KCNT2: variants seen among roughly 807,000 people sequenced by gnomAD.
KCNT2 encodes potassium sodium-activated channel subfamily T member 2.
In KCNT2, 67 loss-of-function variants were observed where a neutral mutation model predicts 153.8. The ratio of observed to expected loss-of-function variants is 0.44; its 90% CI spans 0.36 to 0.53. The LOEUF (loss-of-function observed/expected upper bound fraction) is 0.53, where lower values mean the gene tolerates loss of function less well. KCNT2 is among the 20% of genes least tolerant of loss of function. KCNT2 has a pLI of 0.00. For synonymous variants in KCNT2, 500 were observed against 458.8 expected (o/e 1.09, Z -1.15); for missense variants, 975 against 1,354.8 (o/e 0.72, Z 4.40).
intron 14 of KCNT2, chr1:196,343,082 A>G (rs1558171565): frequency 6.6e-6 from 1 of 152,168 alleles, no homozygotes; most frequent in Non-Finnish European, 1.5e-5. Flanking sequence ...TGGCACCTAG[A>G]TCTTGGATTT....
At chr1:196,583,453 A>G (rs990200932) in intron 1 of KCNT2, among the ~76,000 whole-genome samples, 2 of 152,110 alleles carry the variant, frequency 1.3e-5, no homozygotes, top group African/African-American at 4.8e-5. Flanking sequence ...AGAGCTCTGC[A>G]CAGAGAAGTA....
chr1:196,425,812 C>A (rs1255696658), intron 11 of KCNT2, 40 bp downstream of exon 11: 2 of 1,604,528 alleles, frequency 1.2e-6, no homozygotes, highest in East Asian at 2.2e-5. Flanking sequence ...TTAAGTCACT[C>A]AAAACTGTAA....
intron 12 of KCNT2, among the ~76,000 whole-genome samples, chr1:196,420,910 C>A (rs1220821060): frequency 6.6e-6 from 1 of 152,004 alleles, no homozygotes; most frequent in African/African-American, 2.4e-5. Context: ...AAGTAACCAG[C>A]AATGGATATG....
At position 196,428,183 on chromosome 1, in the gene KCNT2, G is replaced by A. The variant is rs372036906; in HGVS notation, c.906C>T (p.Val302=). The A allele has an allele frequency of 2.2e-5, 35 of 1,611,662 alleles. No individual in the cohort carries two copies. Among genetic ancestry groups the A allele is most frequent in the South Asian group, 4.4e-5 (4 of 91,024 alleles). Residue 302 remains valine, a synonymous_variant, in exon 10 of 28, where the codon GTC becomes GTT. Transcript: ENST00000294725. ...SRHRAQTEKH[V]VLCVSSLKID... ...TCTTCAGTGAGCTGACACACAGGAC[G>A]ACATGCTTTTCAGTTTGAGCTCTAT...
At chr1:196,576,559 C>T (rs750867280) in intron 1 of KCNT2, among the ~76,000 whole-genome samples, 3 of 151,818 alleles carry the variant, frequency 2.0e-5, no homozygotes, top group Non-Finnish European at 4.4e-5. Context: ...GCTGTAAGTT[C>T]TCTTAACTAA....
chr1:196,293,859 C>CAAAAAAAA (rs571759690), intron 22 of KCNT2, among the ~76,000 whole-genome samples: 1 of 115,210 alleles, frequency 8.7e-6, no homozygotes. Flanking sequence ...TCTGCACAGT[C>CAAAAAAAA]AAAAAAAAAA....
intron 17 of KCNT2, among the ~76,000 whole-genome samples, chr1:196,332,553 A>G (rs1027721185): frequency 3.3e-5 from 5 of 152,276 alleles, no homozygotes; most frequent in Non-Finnish European, 7.4e-5. Flanking sequence ...TTAGTTCAAC[A>G]TTACTTGAAT....
chr1:196,596,113 T>C (rs1664058236), intron 1 of KCNT2, among the ~76,000 whole-genome samples: 1 of 148,452 alleles, frequency 6.7e-6, no homozygotes, highest in African/African-American at 2.6e-5. Flanking sequence ...ACATTTTCTT[T>C]ATCCAGTTGT....
At chr1:196,319,404 A>C in intron 20 of KCNT2, 80 bp downstream of exon 20, 1 of 803,854 alleles carries the variant, frequency 1.2e-6, no homozygotes, top group East Asian at 2.7e-5. Flanking sequence ...AATTACACTC[A>C]TCATGCAGTA....
chr1:196,366,547 C>A (rs557470937), intron 14 of KCNT2, among the ~76,000 whole-genome samples: 35 of 152,222 alleles, frequency 2.3e-4, no homozygotes, highest in African/African-American at 7.7e-4. Context: ...AAACTTATAT[C>A]TCAGATATGT....
intron 1 of KCNT2, among the ~76,000 whole-genome samples, chr1:196,546,985 GA>G (rs988687895): frequency 2.3e-4 from 34 of 149,740 alleles, no homozygotes; most frequent in Non-Finnish European, 4.6e-4. Context: ...TTTTTCCATG[GA>G]AAAAAAAATC....
At chr1:196,507,367 T>G (rs1681232525) in intron 1 of KCNT2, among the ~76,000 whole-genome samples, 1 of 152,170 alleles carries the variant, frequency 6.6e-6, no homozygotes, top group African/African-American at 2.4e-5. Flanking sequence ...GGCTTTCTAT[T>G]TTCTGTGGTA....
intron 27 of KCNT2, 107 bp downstream of exon 27, chr1:196,235,879 G>T (rs939362677): frequency 3.1e-6 from 2 of 652,722 alleles, no homozygotes; most frequent in Non-Finnish European, 2.7e-6. Flanking sequence ...GACTATTTAA[G>T]CACTTATAAG....
chr1:196,391,099 G>A (rs186133009), intron 13 of KCNT2, among the ~76,000 whole-genome samples: 386 of 151,256 alleles, frequency 2.6e-3, no homozygotes, highest in Non-Finnish European at 4.4e-3. Flanking sequence ...GTTATGAAGG[G>A]CAGGAAAGGG....
At chr1:196,476,973 T>C (rs1455277416) in intron 5 of KCNT2, among the ~76,000 whole-genome samples, 1 of 152,192 alleles carries the variant, frequency 6.6e-6, no homozygotes, top group Non-Finnish European at 1.5e-5. Flanking sequence ...TTCTCAAGTT[T>C]CTTATACTTG....
At chr1:196,488,764 G>A (rs1339893579) in intron 3 of KCNT2, among the ~76,000 whole-genome samples, 3 of 152,042 alleles carry the variant, frequency 2.0e-5, no homozygotes, top group East Asian at 3.9e-4. Flanking sequence ...CATTAATTCA[G>A]CAGCATTCAC....
chr1:196,362,368 T>C (rs146023073), intron 14 of KCNT2, among the ~76,000 whole-genome samples: 1 of 152,258 alleles, frequency 6.6e-6, no homozygotes, highest in African/African-American at 2.4e-5. Context: ...TATTTTCCCT[T>C]ATCACAGTGT....
At chr1:196,564,079 C>A (rs1659773225) in intron 1 of KCNT2, among the ~76,000 whole-genome samples, 1 of 151,802 alleles carries the variant, frequency 6.6e-6, no homozygotes, top group South Asian at 2.1e-4. Context: ...ACTATGTTTG[C>A]AGAGAACATG....
intron 14 of KCNT2, among the ~76,000 whole-genome samples, chr1:196,353,951 T>A (rs144518038): frequency 4.2e-4 from 64 of 152,036 alleles, no homozygotes; most frequent in Non-Finnish European, 6.5e-4. Context: ...CATACTCTGT[T>A]CTTATTTCAG....
Sources: gnomAD v4.1 joint callset for allele counts (sites outside exome capture counted in the v4.1 genomes callset) on GRCh38, gnomAD v4.1.1 for gene constraint, MANE v1.5 for transcripts, NCBI Gene and HGNC (gene_info 2026-07-23, HGNC 2026-07-21) for gene names.